Variants in TDRD6 observed in about 807,000 individuals in gnomAD.
TDRD6 encodes tudor domain containing 6.
In TDRD6, 186 loss-of-function variants were observed where a neutral mutation model predicts 157.5. The observed-to-expected ratio is 1.18, with a 90% CI of 1.05 to 1.33. The LOEUF (loss-of-function observed/expected upper bound fraction) is 1.33, where lower values mean the gene tolerates loss of function less well. Ranked by LOEUF, TDRD6 falls within the 40% of genes most tolerant of loss-of-function variation. TDRD6 has a pLI of 0.00. For synonymous variants in TDRD6, 1,075 were observed against 945.2 expected (o/e 1.14, Z -2.52); for missense variants, 3,066 against 2,508.0 (o/e 1.22, Z -4.75).
chr6:46,687,716 C>G, upstream of TDRD6: 1 of 169,238 alleles, frequency 5.9e-6, no homozygotes, highest in Middle Eastern at 2.5e-3. Context: ...CCTCCAGAGT[C>G]GAAGGCGCTC....
rs1235701022 is a variant in TDRD6 at position 46,690,297 on chromosome 6, G to C, written c.2169G>C (p.Leu723Phe). 6.2e-6 allele frequency: 10 copies of C among 1,613,516 alleles called. No individual in the cohort carries two copies. The highest frequency in any genetic ancestry group is 8.5e-6 in the Non-Finnish European group (10 of 1,180,016). ...ENKTTSVSKA[L>F]SDTTVVTNGS... is the part of the protein sequence containing the mutation. Reference sequence around the variant, plus strand: ...AAACCACATCTGTTTCAAAAGCTTTGAGTGACACAACAGTTGTAACAAATG... The same window carrying C: ...AAACCACATCTGTTTCAAAAGCTTTCAGTGACACAACAGTTGTAACAAATG... Residue 723 changes from leucine (L) to phenylalanine (F), a missense_variant, in exon 1 of 4, where the codon TTG (leucine) becomes TTC (phenylalanine). Physicochemically the swap from Leu to Phe is conservative, Grantham distance 22. Transcript: ENST00000316081.
chr6:46,694,068 A>G lies in TDRD6; in HGVS notation c.5940A>G (p.Val1980=), dbSNP rs558077292. 1.2e-5 allele frequency: 20 copies of G among 1,613,676 alleles called. No individual in the cohort carries two copies. Among genetic ancestry groups the G allele is most frequent in the Non-Finnish European group, 1.7e-5 (20 of 1,179,894 alleles). ...TGAATATATGTGAAGAAGAATTTGT[A>G]GAGTATAAAAACAGGGATGCCATTT... The part of the protein sequence containing the change: ...NEMNICEEEF[V]EYKNRDAISA... Residue 1980 remains valine (V), a synonymous_variant, in exon 1 of 4, where the codon GTA becomes GTG. Coordinates refer to ENST00000316081, the MANE Select transcript of TDRD6 (RefSeq NM_001010870.3).
chr6:46,690,158 T>C lies in TDRD6; in HGVS notation c.2030T>C (p.Ile677Thr). Residue 677 changes from isoleucine to threonine, a missense_variant, in exon 1 of 4, where the codon ATC (isoleucine) becomes ACC (threonine). Transcript: ENST00000316081. ...KYQEFETKENILVNAHSPGHV... is the reference protein window; with the variant it reads ...KYQEFETKENTLVNAHSPGHV... ...CAGGAATTTGAAACAAAGGAAAATA[T>C]CCTGGTAAATGCCCACTCCCCAGGG... is the stretch of plus-strand genomic sequence containing the variant. 1 of 1,613,396 alleles carries C rather than the reference T, an allele frequency of 6.2e-7. No homozygotes were observed. Among genetic ancestry groups the C allele is most frequent in the Non-Finnish European group, 8.5e-7 (1 of 1,179,812 alleles).
In TDRD6 at chr6:46,693,006, G is replaced by A. The variant is rs13217986; in HGVS notation, c.4878G>A (p.Ser1626=). ...ALWAIPSELL[S]VPMQAFPCCL... ...GGGCCATTCCTTCTGAACTTCTGTC[G>A]GTTCCCATGCAAGCCTTTCCATGTT... The change falls in exon 1 of 4, where the codon TCG becomes TCA. Residue 1626 remains serine (S), a synonymous_variant. Transcript: ENST00000316081. 1,211 of 1,612,656 alleles carry A rather than the reference G, an allele frequency of 7.5e-4. 8 individuals carry two copies. The highest frequency in any genetic ancestry group is 6.4e-3 in the Middle Eastern group (39 of 6,048).
In TDRD6 at chr6:46,690,297, G is replaced by T. The variant is rs1235701022; in HGVS notation, c.2169G>T (p.Leu723Phe). 4 of 1,613,398 alleles carry T rather than the reference G, an allele frequency of 2.5e-6. No homozygotes were observed. The African/African-American group carries it at 5.3e-5, about 22-fold the overall frequency. Residue 723 changes from leucine (L) to phenylalanine (F), a missense_variant, in exon 1 of 4, where the codon TTG becomes TTT. Leu to Phe is a conservative substitution (Grantham distance 22). Transcript: ENST00000316081. ...AAACCACATCTGTTTCAAAAGCTTT[G>T]AGTGACACAACAGTTGTAACAAATG... is the stretch of plus-strand genomic sequence containing the variant. ...ENKTTSVSKA[L>F]SDTTVVTNGS...
upstream of TDRD6, among the ~76,000 whole-genome samples, chr6:46,685,556 C>A (rs989829185): frequency 6.6e-6 from 1 of 152,076 alleles, no homozygotes; most frequent in Non-Finnish European, 1.5e-5. Flanking sequence ...TTATCCCTTA[C>A]GTATTTGTAT....
At chr6:46,696,547 ATATATG>A (rs1430016683) in intron 2 of TDRD6, among the ~76,000 whole-genome samples, 4 of 25,570 alleles carry the variant, frequency 1.6e-4, no homozygotes, top group South Asian at 2.2e-3. Flanking sequence ...ATATATATGT[ATATATG>A]TGTGTGTGTG....
rs751345912 is a variant in TDRD6 at position 46,691,456 on chromosome 6, G to A, written c.3328G>A (p.Glu1110Lys). ...LSDIPDHIPE[E>K]VVVWFQETIL... ...TGATATTCCTGATCATATACCAGAA[G>A]AAGTGGTGGTGTGGTTTCAGGAGAC... The change falls in exon 1 of 4, where the codon GAA becomes AAA. Residue 1110 changes from glutamate (E) to lysine (K), a missense_variant. Coordinates refer to ENST00000316081, the MANE Select transcript of TDRD6 (RefSeq NM_001010870.3). The A allele has an allele frequency of 1.2e-6, 2 of 1,614,082 alleles. No homozygotes were observed. The highest frequency in any genetic ancestry group is 2.2e-5 in the East Asian group (1 of 44,858).
At position 46,688,528 on chromosome 6, in the gene TDRD6, C is replaced by A. The variant is rs766023773; in HGVS notation, c.400C>A (p.Leu134Met). Residue 134 changes from leucine (L) to methionine (M), a missense_variant, in exon 1 of 4, where the codon CTG becomes ATG. By Grantham distance (15) the Leu-to-Met change is conservative. Transcript: ENST00000316081. ...SEVLGCVLAG[L>M]VPAGCGAGSG... ...AGTGCTGGGCTGCGTGCTAGCGGGC[C>A]TGGTGCCGGCAGGCTGCGGCGCGGG... 6.4e-7 allele frequency: 1 copy of A among 1,571,160 alleles called. No homozygotes were observed. Among genetic ancestry groups the A allele is most frequent in the Middle Eastern group, 1.7e-4 (1 of 5,992 alleles).
Position 46,691,196 on chromosome 6 carries a change from GTAAAGTTTTGC to G in TDRD6, c.3070_3080del (p.Lys1024GlufsTer19). 1 of 1,613,006 alleles carries G rather than the reference GTAAAGTTTTGC, an allele frequency of 6.2e-7. No individual in the cohort carries two copies. Among genetic ancestry groups the G allele is most frequent in the Non-Finnish European group, 8.5e-7 (1 of 1,179,674 alleles). ...TTGTCATGTAGTATTACACAATTAA[GTAAAGTTTTGC>G]TGAATTTAAAAACATCTCCCTTGAA... On this transcript the variant is annotated frameshift_variant, in exon 1 of 4. Coordinates refer to ENST00000316081, the MANE Select transcript of TDRD6 (RefSeq NM_001010870.3). LOFTEE classifies it high-confidence loss of function.
chr6:46,684,222 T>C (rs187553274), upstream of TDRD6, among the ~76,000 whole-genome samples: 1 of 152,204 alleles, frequency 6.6e-6, no homozygotes, highest in African/African-American at 2.4e-5. Context: ...CTTTTTATTT[T>C]GAAATAATTT....
At position 46,689,231 on chromosome 6, in the gene TDRD6, G is replaced by A. The variant is rs373561239; in HGVS notation, c.1103G>A (p.Arg368Gln). Residue 368 changes from arginine to glutamine, a missense_variant, in exon 1 of 4, where the codon CGA becomes CAA. Coordinates refer to ENST00000316081, the MANE Select transcript of TDRD6 (RefSeq NM_001010870.3). ...SLRYLLPEYF[R>Q]MPVVTYPCAL... ...CGGTACTTGCTGCCTGAATATTTTC[G>A]AATGCCGGTGGTGACCTACCCTTGT... is the stretch of plus-strand genomic sequence containing the variant. The A allele has an allele frequency of 9.9e-6, 16 of 1,614,030 alleles. No homozygotes were observed. The South Asian group carries it at 1.8e-4, about 18-fold the overall frequency.
At chr6:46,684,633 C>G (rs1398766647), upstream of TDRD6, among the ~76,000 whole-genome samples, 2 of 151,326 alleles carry the variant, frequency 1.3e-5, no homozygotes, top group Admixed American at 6.6e-5. Flanking sequence ...TTTTTTTTCA[C>G]TCAGTAAAAT....
rs200693690 is a variant in TDRD6 at position 46,693,766 on chromosome 6, C to T, written c.5638C>T (p.Gln1880Ter). Residue 1880 changes from glutamine (Q) to a stop codon, truncating the protein, a stop_gained, in exon 1 of 4, where the codon CAA becomes TAA. Transcript: ENST00000316081. LOFTEE classifies it high-confidence loss of function. ...GGTGCCACCGAATGTGCCACTCTCC[C>T]AAGAGTGTGTCACAAAAGGCGCCAT... ...SPVPPNVPLS[Q>*]ECVTKGAMEL... 1 of 1,614,114 alleles carries T rather than the reference C, an allele frequency of 6.2e-7. No individual in the cohort carries two copies. The highest frequency in any genetic ancestry group is 1.3e-5 in the African/African-American group (1 of 75,020).
rs1429999425 is a variant in TDRD6 at position 46,701,913 on chromosome 6, C to G, written c.*26C>G. The G allele has an allele frequency of 6.2e-7, 1 of 1,609,734 alleles. No individual in the cohort carries two copies. The highest frequency in any genetic ancestry group is 2.2e-5 in the East Asian group (1 of 44,780). On this transcript the variant is annotated 3_prime_UTR_variant, in exon 4 of 4. Coordinates refer to ENST00000316081, the MANE Select transcript of TDRD6 (RefSeq NM_001010870.3). The stretch of plus-strand genomic sequence containing the variant: ...CCGTGGATCTATAGCTGTGGCCAAT[C>G]AGTCAGAAGCTGCCCTTGAACAAGT...
chr6:46,697,337 A>G (rs990180558), intron 2 of TDRD6, among the ~76,000 whole-genome samples: 3 of 152,008 alleles, frequency 2.0e-5, no homozygotes, highest in Non-Finnish European at 4.4e-5. Context: ...ACCTTCCCCC[A>G]TCCCAAAAAA....
chr6:46,684,154 G>A (rs978382901), upstream of TDRD6, among the ~76,000 whole-genome samples: 2 of 152,034 alleles, frequency 1.3e-5, no homozygotes, highest in Non-Finnish European at 2.9e-5. Context: ...TGAATTGTCT[G>A]TGTGTGTATT....
rs1021257318 is a variant in TDRD6 at position 46,688,460 on chromosome 6, C to T, written c.332C>T (p.Ser111Leu). 9.1e-6 allele frequency: 14 copies of T among 1,543,726 alleles called. No individual in the cohort carries two copies. The Admixed American group carries it at 1.6e-4, about 17-fold the overall frequency. ...CGCACCATCACGGCCGGAGCAGGCT[C>T]GCTGGCGCCTGGGCGCAGAGAGTTC... is the stretch of plus-strand genomic sequence containing the variant. ...EGRTITAGAG[S>L]LAPGRREFFN... The change falls in exon 1 of 4, where the codon TCG becomes TTG. Residue 111 changes from serine to leucine, a missense_variant. Transcript: ENST00000316081.
At chr6:46,697,491 C>T (rs147204817) in intron 2 of TDRD6, among the ~76,000 whole-genome samples, 60 of 152,284 alleles carry the variant, frequency 3.9e-4, no homozygotes, top group African/African-American at 1.4e-3. Flanking sequence ...TCTTTGATCA[C>T]CAGTCATAGA....
Sources: allele counts gnomAD v4.1 joint callset (sites outside exome capture counted in the v4.1 genomes callset), GRCh38; gene constraint gnomAD v4.1.1; transcripts MANE v1.5; gene names NCBI Gene and HGNC (gene_info 2026-07-23, HGNC 2026-07-21).